The following MKLN1 variants were observed in gnomAD, a reference collection of about 807,000 sequenced individuals.
MKLN1 encodes the protein muskelin 1.
MKLN1 carries 18 observed loss-of-function variants against 99.0 expected under a neutral mutation model. That is an observed-to-expected ratio of 0.18 (90% CI 0.13 to 0.27). The LOEUF (loss-of-function observed/expected upper bound fraction) is 0.27, where lower values mean the gene tolerates loss of function less well. MKLN1 is among the 10% of genes least tolerant of loss of function. MKLN1 has a pLI of 1.00. For synonymous variants in MKLN1, 288 were observed against 293.2 expected (o/e 0.98, Z 0.18); for missense variants, 621 against 875.9 (o/e 0.71, Z 3.67).
In MKLN1 at chr7:131,182,950, G is replaced by A. The variant is rs116898291; in HGVS notation, c.-296-19907G>A. The stretch of plus-strand genomic sequence containing the variant: ...TCAACGTGACCATGGCATACCTTGT[G>A]ACTTTTTTGGTTGGTTTGCTTAAAT... On this transcript the variant is annotated intron_variant, in intron 2 of 7. Coordinates refer to the MKLN1 transcript ENST00000416992. 4.7e-4 allele frequency among the ~76,000 whole-genome samples: 72 copies of A among 152,312 alleles called. No individual in the cohort carries two copies. The East Asian group carries it at 8.5e-3, about 18-fold the overall frequency.
intron 16 of MKLN1, among the ~76,000 whole-genome samples, chr7:131,475,339 A>T (rs1796934667): frequency 1.3e-5 from 2 of 152,228 alleles, no homozygotes; most frequent in African/African-American, 4.8e-5. Flanking sequence ...TATCTACTAC[A>T]GAGATTGAAT....
At chr7:131,473,973 A>C (rs1007803426) in intron 16 of MKLN1, among the ~76,000 whole-genome samples, 3 of 152,000 alleles carry the variant, frequency 2.0e-5, no homozygotes, top group African/African-American at 7.2e-5. Flanking sequence ...ACATGGTAAA[A>C]CTCCGTCTCT....
intron 3 of MKLN1, among the ~76,000 whole-genome samples, chr7:131,252,757 G>C (rs1797602387): frequency 6.6e-6 from 1 of 152,096 alleles, no homozygotes; most frequent in East Asian, 1.9e-4. Flanking sequence ...CTGATTCCTG[G>C]TCAAGTGGTT....
intron 3 of MKLN1, among the ~76,000 whole-genome samples, chr7:131,233,896 TA>T (rs1313330147): frequency 2.0e-5 from 3 of 152,138 alleles, no homozygotes; most frequent in African/African-American, 7.2e-5. Context: ...AGATCTTCCA[TA>T]AGGCATTTAT....
At chr7:131,428,978 T>C in intron 8 of MKLN1, 55 bp from the exon 9 acceptor site, 11 of 1,426,058 alleles carry the variant, frequency 7.7e-6, no homozygotes, top group Non-Finnish European at 1.1e-5. Context: ...TAGGTTTGGG[T>C]GCTTATGCTT....
At chr7:131,166,345 C>T (rs1275954394) in intron 2 of MKLN1, among the ~76,000 whole-genome samples, 1 of 152,184 alleles carries the variant, frequency 6.6e-6, no homozygotes, top group Non-Finnish European at 1.5e-5. Flanking sequence ...ATTCCGAACA[C>T]ACTGGCTAAC....
intron 10 of MKLN1, among the ~76,000 whole-genome samples, chr7:131,439,865 AACACACACACACACACACAC>A (rs57399724): frequency 0.14 from 20,776 of 146,114 alleles, 1,719 homozygotes; most frequent in East Asian, 0.35. Flanking sequence ...AAAAGATTTA[AACACACACACACACACACAC>A]ACACACACAC....
chr7:131,427,070 T>G (rs1232876538), intron 8 of MKLN1, among the ~76,000 whole-genome samples: 1 of 152,194 alleles, frequency 6.6e-6, no homozygotes, highest in African/African-American at 2.4e-5. Flanking sequence ...TGAAAAAAAC[T>G]AAAACCTAGG....
chr7:131,449,676 C>G (rs1440046878), intron 12 of MKLN1, among the ~76,000 whole-genome samples: 1 of 151,560 alleles, frequency 6.6e-6, no homozygotes, highest in Non-Finnish European at 1.5e-5. Flanking sequence ...ATCTCTGCCT[C>G]TCTCACTTTC....
rs150183297 is a variant in MKLN1 at position 131,330,122 on chromosome 7, T to C, written c.98+2125T>C. Among the ~76,000 whole-genome samples, 528 of 152,336 alleles carry C rather than the reference T, an allele frequency of 3.5e-3. 1 individual carries two copies. The highest frequency in any genetic ancestry group is 3.2e-3 in the Non-Finnish European group (218 of 68,026). On this transcript the variant is annotated intron_variant, in intron 1 of 17. Coordinates refer to ENST00000352689, the MANE Select transcript of MKLN1 (RefSeq NM_013255.5). ...TATAAAACTCTTGGCTCTGAACTTC[T>C]ATAAGCAAGCAAGGATATTACTTCT...
intron 12 of MKLN1, among the ~76,000 whole-genome samples, chr7:131,454,594 A>G (rs945614201): frequency 3.3e-5 from 5 of 152,168 alleles, no homozygotes; most frequent in African/African-American, 9.7e-5. Context: ...ACCAAACCAT[A>G]ATTTTGTTTA....
intron 2 of MKLN1, among the ~76,000 whole-genome samples, chr7:131,192,699 G>A (rs1313110688): frequency 1.3e-5 from 2 of 151,262 alleles, no homozygotes; most frequent in African/African-American, 2.4e-5. Flanking sequence ...CCACCACCAC[G>A]CCCTGCTAAT....
At position 131,496,507 on chromosome 7, in the gene MKLN1, T is replaced by C. The variant is rs1797565782; in HGVS notation, c.*8779T>C. ...CTTTGGTAAATGTGTTAATTCTACT[T>C]TGTGAATAAATAAATGAGTGATCTG... On this transcript the variant is annotated 3_prime_UTR_variant, in exon 18 of 18. Coordinates refer to ENST00000352689, the MANE Select transcript of MKLN1 (RefSeq NM_013255.5). 6.6e-6 allele frequency: 1 copy of C among 152,072 alleles called. No individual in the cohort carries two copies. Among genetic ancestry groups the C allele is most frequent in the Admixed American group, 6.5e-5 (1 of 15,276 alleles). 9.4% of individuals were successfully genotyped at this position (152,072 alleles called of 1,614,324 possible). A position where few individuals can be genotyped will look rare whatever the true frequency, so the allele number is the denominator to read the frequency against.
At chr7:131,410,968 G>A (rs985935589) in intron 6 of MKLN1, among the ~76,000 whole-genome samples, 1 of 151,474 alleles carries the variant, frequency 6.6e-6, no homozygotes, top group African/African-American at 2.4e-5. Flanking sequence ...TTCTTTCAAG[G>A]TCTCTAACCC....
At position 131,388,899 on chromosome 7, in the gene MKLN1, T is replaced by G; in HGVS notation, c.327T>G (p.Asp109Glu). 1 of 1,609,918 alleles carries G rather than the reference T, an allele frequency of 6.2e-7. No individual in the cohort carries two copies. Residue 109 changes from aspartate to glutamate, a missense_variant, in exon 4 of 18, where the codon GAT becomes GAG. Physicochemically the swap from Asp to Glu is conservative, Grantham distance 45. Transcript: ENST00000352689. The stretch of plus-strand genomic sequence containing the variant: ...TTTCCCACAGTGGCTTAAAGAATGA[T>G]TATAACAAAGAAACATTCACCTTGA... ...TELLSSGLKNDYNKETFTLKH... is the reference protein window; with the variant it reads ...TELLSSGLKNEYNKETFTLKH...
chr7:131,474,145 A>G (rs114523564), intron 16 of MKLN1, among the ~76,000 whole-genome samples: 2,210 of 152,294 alleles, frequency 0.015, 49 homozygotes, highest in African/African-American at 0.05. Context: ...GAGTTACTGT[A>G]GCTCAGCCCA....
intron 3 of MKLN1, among the ~76,000 whole-genome samples, chr7:131,283,308 T>G (rs996320744): frequency 1.8e-5 from 1 of 55,436 alleles, no homozygotes; most frequent in African/African-American, 9.2e-5. Context: ...GGCCCTTCCC[T>G]CCCTCCCTCC....
chr7:131,425,911 G>A (rs893273039), intron 8 of MKLN1, among the ~76,000 whole-genome samples: 2 of 152,082 alleles, frequency 1.3e-5, no homozygotes, highest in African/African-American at 4.8e-5. Flanking sequence ...CTTTTCTGGT[G>A]TCTGTTTCTG....
intron 3 of MKLN1, among the ~76,000 whole-genome samples, chr7:131,277,346 C>G (rs564069484): frequency 6.6e-6 from 1 of 151,452 alleles, no homozygotes; most frequent in Non-Finnish European, 1.5e-5. Flanking sequence ...TTCAATGGCA[C>G]AATCTTGGCT....
Sources: allele counts gnomAD v4.1 joint callset (sites outside exome capture counted in the v4.1 genomes callset), GRCh38; gene constraint gnomAD v4.1.1; transcripts MANE v1.5; gene names NCBI Gene and HGNC (gene_info 2026-07-23, HGNC 2026-07-21).